NXPE3: variants seen among roughly 807,000 people sequenced by gnomAD.
The protein encoded by NXPE3 is NXPE family member 3.
In NXPE3, 26 loss-of-function variants were observed where a neutral mutation model predicts 46.1. The observed-to-expected ratio is 0.56, with a 90% confidence interval of 0.41 to 0.78. The LOEUF (loss-of-function observed/expected upper bound fraction) is 0.78. Ranked by LOEUF, NXPE3 falls within the 30% of genes least tolerant of loss-of-function variation. NXPE3 has a pLI of 0.00. For synonymous variants in NXPE3, 272 were observed against 257.9 expected (o/e 1.05, Z -0.52); for missense variants, 620 against 686.0 (o/e 0.90, Z 1.07).
intron 6 of NXPE3, among the ~76,000 whole-genome samples, chr3:101,811,773 G>T (rs561118172): frequency 7.5e-6 from 1 of 133,360 alleles, no homozygotes; most frequent in Non-Finnish European, 1.5e-5. Context: ...TCGCTCTGTC[G>T]CCCAGGCTGG....
At chr3:101,784,181 T>C (rs1173089653) in intron 3 of NXPE3, among the ~76,000 whole-genome samples, 1 of 152,164 alleles carries the variant, frequency 6.6e-6, no homozygotes, top group Non-Finnish European at 1.5e-5. Context: ...AAAAGTATAA[T>C]GCAGTATCAT....
chr3:101,782,531 C>A (rs1939886105), intron 2 of NXPE3, 129 bp from the exon 3 acceptor site: 1 of 152,028 alleles, frequency 6.6e-6, no homozygotes, highest in South Asian at 2.1e-4. Context: ...ACTTAAAAAT[C>A]TTTCAGTTTA....
At position 101,801,440 on chromosome 3, in the gene NXPE3, G is replaced by C. The variant is rs377253159; in HGVS notation, c.299G>C (p.Ser100Thr). 5 of 1,614,092 alleles carry C rather than the reference G, an allele frequency of 3.1e-6. No individual in the cohort carries two copies. In the African/African-American group the frequency reaches 6.7e-5, roughly 22 times the overall value. The change falls in exon 5 of 8, where the codon AGC becomes ACC. Residue 100 changes from serine to threonine, a missense_variant. By Grantham distance (58) the Ser-to-Thr change is moderately conservative. Coordinates refer to ENST00000273347, the MANE Select transcript of NXPE3 (RefSeq NM_145037.4). ...GTGGGCCCAGTCCCCTTTGTGAAGA[G>C]CACTGACCCTTCTTCCAGCTACTTT... is the stretch of plus-strand genomic sequence containing the variant. ...PDVGPVPFVK[S>T]TDPSSSYFVI...
Position 101,821,596 on chromosome 3 carries a change from C to T in NXPE3, c.1322C>T (p.Ala441Val), listed in dbSNP as rs758753450. The T allele has an allele frequency of 3.7e-6, 6 of 1,614,172 alleles. No homozygotes were observed. The South Asian group carries it at 6.6e-5, about 18-fold the overall frequency. Residue 441 changes from alanine (A) to valine (V), a missense_variant, in exon 8 of 8, where the codon GCC becomes GTC. This residue lies in a region of NXPE3 where 511 missense variants were observed against 528.6 expected (regional missense o/e 0.97). Transcript: ENST00000273347. The stretch of plus-strand genomic sequence containing the variant: ...GTGGGAGGGAAGAACACAGTGGTTG[C>T]CATAGCTGTATGGTCTCACTTCAGC... ...GIVGGKNTVV[A>V]IAVWSHFSTF...
rs1482816878 is a variant in NXPE3, at chr3:101,827,278, G to A, written c.*5324G>A. 6.6e-6 allele frequency: 1 copy of A among 152,072 alleles called. No homozygotes were observed. Among genetic ancestry groups the A allele is most frequent in the Non-Finnish European group, 1.5e-5 (1 of 68,002 alleles). The allele number at this position is 152,072 out of a possible 1,614,324, so 9.4% of individuals were successfully genotyped here. On this transcript the variant is annotated 3_prime_UTR_variant, in exon 8 of 8. Transcript: ENST00000273347. ...CTAGTGTCCTAAATGGAAAAGAAGT[G>A]AAACTAAATGTCATAGGAGAAATCC...
intron 6 of NXPE3, among the ~76,000 whole-genome samples, chr3:101,808,818 G>GATATAGATATATATATATATATATATAT (rs71132598): frequency 2.3e-4 from 7 of 30,810 alleles, no homozygotes; most frequent in Admixed American, 4.8e-4. Flanking sequence ...AATTTTAGAG[G>GATATAGATATATATATATATATATATAT]ATATATATAT....
At chr3:101,799,519 T>C (rs547331430) in intron 4 of NXPE3, among the ~76,000 whole-genome samples, 1 of 152,172 alleles carries the variant, frequency 6.6e-6, no homozygotes, top group East Asian at 1.9e-4. Flanking sequence ...CTCTGCCTCC[T>C]GGGTTCAAGC....
intron 1 of NXPE3, among the ~76,000 whole-genome samples, chr3:101,780,428 A>G (rs565784694): frequency 7.2e-5 from 11 of 152,278 alleles, no homozygotes; most frequent in African/African-American, 2.4e-4. Context: ...GGTTGTCCTG[A>G]CCTGACAATT....
intron 3 of NXPE3, 48 bp from the exon 4 acceptor site, chr3:101,785,354 C>T (rs1436010433): frequency 2.2e-6 from 1 of 464,148 alleles, no homozygotes. Flanking sequence ...CTCACCCCAC[C>T]CTAGGCCATT....
At chr3:101,808,769 A>T (rs1941544940) in intron 6 of NXPE3, among the ~76,000 whole-genome samples, 1 of 134,360 alleles carries the variant, frequency 7.4e-6, no homozygotes, top group African/African-American at 2.8e-5. Flanking sequence ...TTTCCTGATG[A>T]AGAGCTGTTT....
intron 4 of NXPE3, among the ~76,000 whole-genome samples, chr3:101,795,121 C>CT (rs1940748697): frequency 6.6e-6 from 1 of 152,220 alleles, no homozygotes; most frequent in African/African-American, 2.4e-5. Flanking sequence ...TTGTCAGTCT[C>CT]TCACTCTCTA....
chr3:101,785,868 AC>A (rs980009456), intron 4 of NXPE3, among the ~76,000 whole-genome samples, 179 bp downstream of exon 4: 22 of 152,346 alleles, frequency 1.4e-4, no homozygotes, highest in African/African-American at 5.1e-4. Context: ...CACCGAGGGT[AC>A]AGTGAAGACA....
intron 6 of NXPE3, among the ~76,000 whole-genome samples, chr3:101,812,886 A>G (rs1297892913): frequency 2.7e-5 from 4 of 149,734 alleles, no homozygotes. Flanking sequence ...TCAACAGTCT[A>G]TGAATTTATA....
In NXPE3 at chr3:101,798,602, ATT is replaced by A. The variant is rs1185080144; in HGVS notation, c.94-2620_94-2619del. Among the ~76,000 whole-genome samples, 1,338 of 141,684 alleles carry A rather than the reference ATT, an allele frequency of 9.4e-3. 28 individuals are homozygous for A. The highest frequency in any genetic ancestry group is 0.031 in the African/African-American group (1,195 of 38,596). The allele number at this position is 141,684 out of a possible 152,430, so 93.0% of individuals were successfully genotyped here. ...TATGTGTGTCTATATATATATATAT[ATT>A]TTTTTTTTTTTTCTTTTAAAGTTTT... is the stretch of plus-strand genomic sequence containing the variant. On this transcript the variant is annotated intron_variant, in intron 4 of 7. Coordinates refer to ENST00000273347, the MANE Select transcript of NXPE3 (RefSeq NM_145037.4).
chr3:101,809,319 T>G (rs1325283144), intron 6 of NXPE3, among the ~76,000 whole-genome samples: 2 of 152,148 alleles, frequency 1.3e-5, no homozygotes, highest in African/African-American at 2.4e-5. Context: ...GGCAATTGAT[T>G]TATGGACTAT....
intron 2 of NXPE3, among the ~76,000 whole-genome samples, 182 bp from the exon 3 acceptor site, chr3:101,782,478 T>TA (rs1047736869): frequency 7.2e-5 from 11 of 152,276 alleles, no homozygotes; most frequent in Admixed American, 2.0e-4. Flanking sequence ...GTTTTTTTTT[T>TA]ACACTACAAT....
In NXPE3 at chr3:101,815,866, C is replaced by T. The variant is rs557063200; in HGVS notation, c.923-929C>T. On this transcript the variant is annotated intron_variant, in intron 6 of 7. Coordinates refer to ENST00000273347, the MANE Select transcript of NXPE3 (RefSeq NM_145037.4). ...CAAAAATTAACTGGGTGTGGTGGTA[C>T]ACGCCTGTACTCCCAGCTACTCGGG... Among the ~76,000 whole-genome samples, 7 of 152,240 alleles carry T rather than the reference C, an allele frequency of 4.6e-5. No individual in the cohort carries two copies. In the South Asian group the frequency reaches 1.5e-3, roughly 32 times the overall value.
chr3:101,783,724 A>G (rs1179189408), intron 3 of NXPE3, among the ~76,000 whole-genome samples: 1 of 152,158 alleles, frequency 6.6e-6, no homozygotes, highest in Non-Finnish European at 1.5e-5. Context: ...CCTGTGGACT[A>G]CCATCTTTGG....
At chr3:101,780,212 A>G (rs1231219003) in intron 1 of NXPE3, among the ~76,000 whole-genome samples, 1 of 152,190 alleles carries the variant, frequency 6.6e-6, no homozygotes, top group African/African-American at 2.4e-5. Context: ...CCAGACCCTG[A>G]TAATTGTTTG....
Sources: gnomAD v4.1 joint callset for allele counts (sites outside exome capture counted in the v4.1 genomes callset) on GRCh38, gnomAD v4.1.1 for gene constraint, gnomAD v4.1.1 regional missense constraint, MANE v1.5 for transcripts, NCBI Gene and HGNC (gene_info 2026-07-23, HGNC 2026-07-21) for gene names.